Variants in CDH13 observed in about 807,000 individuals in gnomAD.
CDH13 encodes cadherin-13.
Under a neutral mutation model 63.8 loss-of-function variants are expected in CDH13, and 24 were observed. The ratio of observed to expected loss-of-function variants is 0.38; its 90% CI spans 0.27 to 0.53. CDH13 has a LOEUF of 0.53. Among genes scored for constraint, CDH13 ranks in the 20% least tolerant of loss-of-function variants. The pLI, the probability that CDH13 is intolerant of heterozygous loss-of-function variation, is 0.85. For missense variants in CDH13, 1,049 were observed against 903.1 expected (o/e 1.16, Z -2.07); for synonymous variants, 503 against 355.3 (o/e 1.42, Z -4.67).
At chr16:83,586,454 T>C (rs1464089898) in intron 7 of CDH13, among the ~76,000 whole-genome samples, 1 of 152,224 alleles carries the variant, frequency 6.6e-6, no homozygotes, top group Non-Finnish European at 1.5e-5. Context: ...GGTTTTATTA[T>C]TGGCGAAGAA....
At chr16:83,083,872 G>C (rs551519944) in intron 3 of CDH13, among the ~76,000 whole-genome samples, 132 of 152,172 alleles carry the variant, frequency 8.7e-4, no homozygotes, top group Admixed American at 3.1e-3. Flanking sequence ...CCCAAGTTAT[G>C]TTTTATTAGG....
chr16:83,047,233 G>GTGTA lies in CDH13; in HGVS notation c.366+15017_366+15020dup, dbSNP rs1917876415. The stretch of plus-strand genomic sequence containing the variant: ...CCCCTCACTCTTACTCCAGAGGCCT[G>GTGTA]TGTATTTATTTATTTATTTATTTTT... On this transcript the variant is annotated intron_variant, in intron 3 of 13. Coordinates refer to ENST00000567109, the MANE Select transcript of CDH13 (RefSeq NM_001257.5). The surrounding 1 kb of genome is among the most constrained non-coding windows in gnomAD (Gnocchi z 4.9). Among the ~76,000 whole-genome samples, 2 of 144,068 alleles carry GTGTA rather than the reference G, an allele frequency of 1.4e-5. No homozygotes were observed. Among genetic ancestry groups the GTGTA allele is most frequent in the Non-Finnish European group, 3.2e-5 (2 of 63,390 alleles). The allele number at this position is 144,068 out of a possible 152,430, so 94.5% of individuals were successfully genotyped here. A position where few individuals can be genotyped will look rare whatever the true frequency, so the allele number is the denominator to read the frequency against.
chr16:83,224,718 C>G (rs2039792847), intron 5 of CDH13, among the ~76,000 whole-genome samples: 1 of 152,194 alleles, frequency 6.6e-6, no homozygotes, highest in African/African-American at 2.4e-5. Flanking sequence ...TTCTAATACT[C>G]TGACACCTTT....
At chr16:83,311,323 T>C (rs1405359552) in intron 5 of CDH13, among the ~76,000 whole-genome samples, 6 of 125,288 alleles carry the variant, frequency 4.8e-5, no homozygotes, top group Non-Finnish European at 1.1e-4. Context: ...AGCAAGGAGA[T>C]TGTTAAAAAA....
At chr16:83,286,161 T>G (rs2089307130) in intron 5 of CDH13, among the ~76,000 whole-genome samples, 1 of 152,214 alleles carries the variant, frequency 6.6e-6, no homozygotes, top group Non-Finnish European at 1.5e-5. Flanking sequence ...TTCCAGGTGA[T>G]GACTTACCCA....
intron 2 of CDH13, among the ~76,000 whole-genome samples, chr16:82,964,674 A>G (rs898634356): frequency 5.3e-5 from 8 of 152,252 alleles, no homozygotes; most frequent in Admixed American, 5.2e-4. Flanking sequence ...TAAAGCTTCC[A>G]GTGGTTAATA....
chr16:82,946,732 A>G (rs1904762971), intron 2 of CDH13, among the ~76,000 whole-genome samples: 1 of 152,162 alleles, frequency 6.6e-6, no homozygotes, highest in Non-Finnish European at 1.5e-5. Context: ...AAAAAAAGAA[A>G]GAAAAAACAT....
intron 4 of CDH13, among the ~76,000 whole-genome samples, chr16:83,173,402 G>C (rs1398046498): frequency 6.6e-6 from 1 of 152,124 alleles, no homozygotes. Context: ...GAATCTCTGA[G>C]AGTGTGGTAA....
intron 3 of CDH13, among the ~76,000 whole-genome samples, chr16:83,117,775 T>TCCCACCCTCAACCCCTCCCCTG (rs2035376415): frequency 6.6e-6 from 1 of 152,060 alleles, no homozygotes; most frequent in Non-Finnish European, 1.5e-5. Context: ...CACCCTCCCT[T>TCCCACCCTCAACCCCTCCCCTG]CCCACCCTCA....
chr16:83,279,447 G>A (rs944925572), intron 5 of CDH13, among the ~76,000 whole-genome samples: 3 of 152,144 alleles, frequency 2.0e-5, no homozygotes, highest in African/African-American at 4.8e-5. Context: ...TAGCTGCAAT[G>A]CAAGTGTCAG....
At chr16:83,746,421 A>G (rs907889223) in intron 10 of CDH13, among the ~76,000 whole-genome samples, 2 of 152,202 alleles carry the variant, frequency 1.3e-5, no homozygotes, top group African/African-American at 4.8e-5. Context: ...AACAACCCCA[A>G]GATAACTCAA....
chr16:83,447,421 A>C (rs1463814554), intron 6 of CDH13, among the ~76,000 whole-genome samples: 6 of 152,066 alleles, frequency 3.9e-5, no homozygotes, highest in Admixed American at 3.9e-4. Context: ...ATCCCAAAAA[A>C]ACAAAGAAAA....
At chr16:83,123,680 T>A (rs1381651345) in intron 3 of CDH13, among the ~76,000 whole-genome samples, 1 of 152,200 alleles carries the variant, frequency 6.6e-6, no homozygotes, top group African/African-American at 2.4e-5. Flanking sequence ...AGTGCAGGTA[T>A]TGTTTTGATA....
intron 1 of CDH13, among the ~76,000 whole-genome samples, chr16:82,732,316 T>A (rs1248625257): frequency 6.6e-6 from 1 of 152,176 alleles, no homozygotes; most frequent in African/African-American, 2.4e-5. Context: ...GTCAGCTCCA[T>A]CCAGCCCAAG....
At chr16:83,027,654 T>C (rs973518415) in intron 2 of CDH13, among the ~76,000 whole-genome samples, 9 of 152,186 alleles carry the variant, frequency 5.9e-5, no homozygotes, top group African/African-American at 1.7e-4. Context: ...GCTGGTCTTA[T>C]AGTTGCAACA....
At chr16:83,317,527 G>A (rs1314585111) in intron 5 of CDH13, among the ~76,000 whole-genome samples, 1 of 152,182 alleles carries the variant, frequency 6.6e-6, no homozygotes, top group African/African-American at 2.4e-5. Flanking sequence ...GTGAGCGCCA[G>A]TCAAGTGCTG....
chr16:82,970,940 T>C (rs1424476945), intron 2 of CDH13, among the ~76,000 whole-genome samples: 4 of 152,222 alleles, frequency 2.6e-5, no homozygotes, highest in Non-Finnish European at 5.9e-5. Context: ...TTAAAATATT[T>C]GTTGAATGTA....
At chr16:83,225,555 T>C (rs2039814514) in intron 5 of CDH13, among the ~76,000 whole-genome samples, 1 of 152,216 alleles carries the variant, frequency 6.6e-6, no homozygotes, top group South Asian at 2.1e-4. Context: ...CAGGCTGATG[T>C]AATTCCTGAT....
intron 1 of CDH13, among the ~76,000 whole-genome samples, chr16:82,792,380 G>T (rs1161665056): frequency 6.6e-6 from 1 of 152,016 alleles, no homozygotes; most frequent in Non-Finnish European, 1.5e-5. Flanking sequence ...GTGTGTGTGT[G>T]GGGCGTCATA....
Sources: gnomAD v4.1 joint callset for allele counts (sites outside exome capture counted in the v4.1 genomes callset) on GRCh38, gnomAD v4.1.1 for gene constraint, Gnocchi (gnomAD v3.1) non-coding constraint, MANE v1.5 for transcripts, NCBI Gene and HGNC (gene_info 2026-07-23, HGNC 2026-07-21) for gene names.